Variants in GRK3 observed in about 807,000 individuals in gnomAD.
The protein encoded by GRK3 is adrenergic, beta, receptor kinase 2.
Under a neutral mutation model 95.7 loss-of-function variants are expected in GRK3, and 54 were observed. The ratio of observed to expected loss-of-function variants is 0.56; its 90% CI spans 0.45 to 0.71. The LOEUF is 0.71. Among genes scored for constraint, GRK3 ranks in the 30% least tolerant of loss-of-function variants. GRK3 has a pLI of 0.00. For synonymous variants in GRK3, 281 were observed against 290.8 expected (o/e 0.97, Z 0.34); for missense variants, 649 against 851.2 (o/e 0.76, Z 2.96).
At chr22:25,629,932 G>A (rs1222556160) in intron 2 of GRK3, among the ~76,000 whole-genome samples, 1 of 152,182 alleles carries the variant, frequency 6.6e-6, no homozygotes, top group African/African-American at 2.4e-5. Flanking sequence ...AGACAAGTAA[G>A]TGTTATCATT....
At position 25,608,832 on chromosome 22, in the gene GRK3, T is replaced by C. The variant is rs567837531; in HGVS notation, c.190+4379T>C. 6.4e-4 allele frequency among the ~76,000 whole-genome samples: 97 copies of C among 152,244 alleles called. 1 individual carries two copies. Among genetic ancestry groups the C allele is most frequent in the Middle Eastern group, 6.8e-3 (2 of 294 alleles). On this transcript the variant is annotated intron_variant, in intron 2 of 20. Transcript: ENST00000324198. ...GGAACCCACTCACACTTCTGACCTATAGAACTGTGAGATGATACGTGGGTG... is the reference window on the plus strand; with the variant it reads ...GGAACCCACTCACACTTCTGACCTACAGAACTGTGAGATGATACGTGGGTG...
intron 13 of GRK3, among the ~76,000 whole-genome samples, chr22:25,699,354 C>T (rs1358817106): frequency 6.6e-6 from 1 of 152,130 alleles, no homozygotes; most frequent in Admixed American, 6.5e-5. Flanking sequence ...CAGGCTTGGG[C>T]ACAGTCCCCT....
At chr22:25,696,727 A>G (rs1306705763) in intron 13 of GRK3, among the ~76,000 whole-genome samples, 2 of 152,218 alleles carry the variant, frequency 1.3e-5, no homozygotes, top group Non-Finnish European at 2.9e-5. Flanking sequence ...CCCCAAAACT[A>G]GGTTCTGAGC....
chr22:25,647,138 G>T, intron 3 of GRK3: 1 of 385,438 alleles, frequency 2.6e-6, no homozygotes, highest in Non-Finnish European at 4.7e-6. Flanking sequence ...CTTCAAAAAT[G>T]GAGGACGAGG....
chr22:25,629,577 T>C (rs1234004913), intron 2 of GRK3, among the ~76,000 whole-genome samples: 1 of 152,234 alleles, frequency 6.6e-6, no homozygotes, highest in Non-Finnish European at 1.5e-5. Flanking sequence ...TGCAAGGGAC[T>C]GTAAGTCGTA....
chr22:25,687,264 G>C (rs1422185291), intron 10 of GRK3, among the ~76,000 whole-genome samples: 1 of 152,120 alleles, frequency 6.6e-6, no homozygotes, highest in Non-Finnish European at 1.5e-5. Flanking sequence ...CACCTTGTGA[G>C]AGCAGAACTA....
chr22:25,668,297 C>T (rs922593237), intron 6 of GRK3, among the ~76,000 whole-genome samples: 2 of 152,152 alleles, frequency 1.3e-5, no homozygotes, highest in Non-Finnish European at 2.9e-5. Flanking sequence ...ATCTACTGGT[C>T]AATTCTTCAG....
intron 2 of GRK3, among the ~76,000 whole-genome samples, chr22:25,632,838 C>T (rs552422672): frequency 6.6e-6 from 1 of 151,848 alleles, no homozygotes; most frequent in East Asian, 1.9e-4. Flanking sequence ...TATTCTTTTT[C>T]ATTGATCTAT....
At chr22:25,709,258 T>C (rs1233160756) in intron 15 of GRK3, among the ~76,000 whole-genome samples, 1 of 151,694 alleles carries the variant, frequency 6.6e-6, no homozygotes, top group Admixed American at 6.6e-5. Flanking sequence ...AGGATGGTCT[T>C]GATCTCCTGA....
intron 8 of GRK3, among the ~76,000 whole-genome samples, chr22:25,676,939 A>C (rs571635139): frequency 6.6e-6 from 1 of 152,302 alleles, no homozygotes; most frequent in East Asian, 1.9e-4. Flanking sequence ...TCAGTGAACC[A>C]CAAGGTGCAC....
At chr22:25,573,699 G>T (rs1054860662) in intron 1 of GRK3, among the ~76,000 whole-genome samples, 1 of 152,162 alleles carries the variant, frequency 6.6e-6, no homozygotes, top group South Asian at 2.1e-4. Context: ...AGGAGTTCAA[G>T]ATCAGCCTGA....
chr22:25,589,306 G>A (rs796405745), intron 1 of GRK3, among the ~76,000 whole-genome samples: 7 of 152,282 alleles, frequency 4.6e-5, no homozygotes, highest in African/African-American at 1.4e-4. Flanking sequence ...TACCAGTAAG[G>A]TGTTGACGTA....
chr22:25,629,584 C>T (rs143750883), intron 2 of GRK3, among the ~76,000 whole-genome samples: 4 of 152,290 alleles, frequency 2.6e-5, no homozygotes, highest in African/African-American at 9.6e-5. Flanking sequence ...GACTGTAAGT[C>T]GTAAGGGACA....
At chr22:25,687,793 C>T in intron 11 of GRK3, 126 bp downstream of exon 11, 7 of 1,037,992 alleles carry the variant, frequency 6.7e-6, no homozygotes, top group Non-Finnish European at 9.8e-6. Context: ...CTGATGAAGT[C>T]ATTAGCTATA....
At chr22:25,586,632 C>T (rs575558568) in intron 1 of GRK3, among the ~76,000 whole-genome samples, 375 of 152,164 alleles carry the variant, frequency 2.5e-3, no homozygotes, top group Non-Finnish European at 4.3e-3. Flanking sequence ...GGGAGGGCTG[C>T]ATAGTCTTGG....
chr22:25,596,325 A>G (rs544400293), intron 1 of GRK3, among the ~76,000 whole-genome samples: 1 of 152,230 alleles, frequency 6.6e-6, no homozygotes, highest in Non-Finnish European at 1.5e-5. Context: ...CTGTTCTTCA[A>G]AAAGAAGTAA....
Position 25,718,493 on chromosome 22 carries a change from A to G in GRK3, c.1791+112A>G, listed in dbSNP as rs909201829. The G allele has an allele frequency of 8.3e-6, 10 of 1,202,094 alleles. No individual in the cohort carries two copies. In the African/African-American group the frequency reaches 1.1e-4, roughly 13 times the overall value. 74.5% of individuals were successfully genotyped at this position (1,202,094 alleles called of 1,614,324 possible). On this transcript the variant is annotated intron_variant, in intron 19 of 20. Transcript: ENST00000324198. ...CTATCCTCCGAAACTCTGTGATTCT[A>G]TTTTACTGCTCTACATGAGATTGTA...
In GRK3 at chr22:25,722,885, A is replaced by G. The variant is rs1420147012; in HGVS notation, c.*435A>G. The G allele has an allele frequency of 6.5e-6, 1 of 153,582 alleles. No homozygotes were observed. Among genetic ancestry groups the G allele is most frequent in the African/African-American group, 2.4e-5 (1 of 41,504 alleles). The allele number at this position is 153,582 out of a possible 1,614,324, so 9.5% of individuals were successfully genotyped here. On this transcript the variant is annotated 3_prime_UTR_variant, in exon 21 of 21. Transcript: ENST00000324198. ...CATACTGCTGGGGGATGGGAGAGCC[A>G]CAGTGTGTTTCTTTTGTGCACTTCG...
At chr22:25,578,017 T>A (rs1324610613) in intron 1 of GRK3, among the ~76,000 whole-genome samples, 2 of 152,182 alleles carry the variant, frequency 1.3e-5, no homozygotes, top group African/African-American at 2.4e-5. Flanking sequence ...AAAAGAATAA[T>A]GTCATTTTTG....
Sources: gnomAD v4.1 joint callset for allele counts (sites outside exome capture counted in the v4.1 genomes callset) on GRCh38, gnomAD v4.1.1 for gene constraint, MANE v1.5 for transcripts, NCBI Gene and HGNC (gene_info 2026-07-23, HGNC 2026-07-21) for gene names.